FBLIM1: variants seen among roughly 807,000 people sequenced by gnomAD.
The protein encoded by FBLIM1 is filamin binding LIM protein 1, also known as filamin-binding LIM protein 1.
A neutral mutation model predicts 37.4 loss-of-function variants in FBLIM1; 29 were observed. That is an observed-to-expected ratio of 0.77 (90% CI 0.58 to 1.06). The LOEUF (loss-of-function observed/expected upper bound fraction) is 1.06, where lower values mean the gene tolerates loss of function less well. FBLIM1 is among the 50% of genes least tolerant of loss of function. The pLI is 0.00. For synonymous variants in FBLIM1, 193 were observed against 199.0 expected (o/e 0.97, Z 0.25); for missense variants, 449 against 505.6 (o/e 0.89, Z 1.07).
intron 7 of FBLIM1, chr1:15,775,067 A>G (rs1432194735): frequency 1.1e-5 from 7 of 631,394 alleles, no homozygotes; most frequent in Non-Finnish European, 1.8e-5. Flanking sequence ...AAATACAAAA[A>G]AAATTAGCCA....
intron 4 of FBLIM1, among the ~76,000 whole-genome samples, chr1:15,767,880 T>TTTTG (rs996228062): frequency 1.6e-4 from 24 of 151,846 alleles, no homozygotes; most frequent in East Asian, 1.9e-4. Context: ...AAACCTGGAT[T>TTTTG]TTTGTTTGTT....
Position 15,777,285 on chromosome 1 carries a change from G to A in FBLIM1, c.1006G>A (p.Glu336Lys), listed in dbSNP as rs1239450967. Reference sequence around the variant, plus strand: ...CTTCCATGAAAATTGCTACAGGTGTGAGGTGAGTGGAGCCTAGGTGGTTTA... The same window carrying A: ...CTTCCATGAAAATTGCTACAGGTGTAAGGTGAGTGGAGCCTAGGTGGTTTA... ...RNFHENCYRCEDCRILLSVEP... is the reference protein window; with the variant it reads ...RNFHENCYRCKDCRILLSVEP... The change falls in exon 8 of 9, where the codon GAG becomes AAG. Residue 336 changes from glutamate to lysine, a missense_variant and splice_region_variant. Glu to Lys is a moderately conservative substitution (Grantham distance 56, BLOSUM62 1). Transcript: ENST00000375766. 6.2e-7 allele frequency: 1 copy of A among 1,607,318 alleles called. No individual in the cohort carries two copies. Among genetic ancestry groups the A allele is most frequent in the Non-Finnish European group, 8.5e-7 (1 of 1,174,230 alleles).
chr1:15,780,942 C>G (rs779985647), intron 8 of FBLIM1, among the ~76,000 whole-genome samples: 21 of 152,120 alleles, frequency 1.4e-4, no homozygotes, highest in Non-Finnish European at 2.6e-4. Context: ...ATCATCCTCA[C>G]GAGTTCCAGC....
At chr1:15,773,938 T>G (rs1330766957) in intron 6 of FBLIM1, among the ~76,000 whole-genome samples, 15 of 151,676 alleles carry the variant, frequency 9.9e-5, no homozygotes, top group Admixed American at 9.9e-4. Context: ...AGGTCAGGAG[T>G]TCGAAACCAG....
intron 6 of FBLIM1, among the ~76,000 whole-genome samples, chr1:15,772,794 A>G (rs1418150389): frequency 6.6e-6 from 1 of 152,096 alleles, no homozygotes; most frequent in Non-Finnish European, 1.5e-5. Flanking sequence ...TCTCTATTTT[A>G]ATATAGCTAT....
chr1:15,763,161 A>G (rs1224042807), intron 1 of FBLIM1, among the ~76,000 whole-genome samples: 1 of 150,858 alleles, frequency 6.6e-6, no homozygotes, highest in East Asian at 2.0e-4. Flanking sequence ...CTCCACTCCC[A>G]CGGGTTCAAG....
Position 15,765,233 on chromosome 1 carries a change from G to C in FBLIM1, c.250G>C (p.Gly84Arg), listed in dbSNP as rs2068861069. 6.2e-7 allele frequency: 1 copy of C among 1,607,152 alleles called. No individual in the cohort carries two copies. Among genetic ancestry groups the C allele is most frequent in the African/African-American group, 1.3e-5 (1 of 74,744 alleles). Residue 84 changes from glycine (G) to arginine (R), a missense_variant and splice_region_variant, in exon 3 of 9, where the codon GGA becomes CGA. Transcript: ENST00000375766. This position sits in a 1 kb window ranked among gnomAD's most constrained non-coding sequence, Gnocchi z 5.9. ...TGCACCTATGCAGCTCTTCAATGGA[G>C]GTAAGAGCTGAGGGGACTTTGGGGA... ...PAAPMQLFNG[G>R]CPPPPPVLDG...
Position 15,766,965 on chromosome 1 carries a change from CT to C in FBLIM1, c.251-410del, listed in dbSNP as rs560682773. ...AGTGCAGTAATGTGATCTAAGCTCA[CT>C]GCAGCCTCAACCTCTTGGGCTTAAG... On this transcript the variant is annotated intron_variant, in intron 3 of 8. Transcript: ENST00000375766. Among the ~76,000 whole-genome samples, 23 of 150,414 alleles carry C rather than the reference CT, an allele frequency of 1.5e-4. No individual in the cohort carries two copies. In the South Asian group the frequency reaches 4.9e-3, roughly 32 times the overall value.
rs2068839064 is a variant in FBLIM1, at chr1:15,764,854, G to C, written c.-20-110G>C. On this transcript the variant is annotated intron_variant, in intron 2 of 8. Transcript: ENST00000375766. ...GGGTGCTGGACTGAGTTGTTGAGAT[G>C]GTAGGGTGGCTGGCCTGTCTTTTTG... The C allele has an allele frequency of 2.5e-5, 32 of 1,300,600 alleles. No individual in the cohort carries two copies. In the South Asian group the frequency reaches 4.5e-4, roughly 18 times the overall value. 80.6% of individuals were successfully genotyped at this position (1,300,600 alleles called of 1,614,324 possible).
intron 3 of FBLIM1, among the ~76,000 whole-genome samples, chr1:15,766,320 G>A (rs1270199043): frequency 3.3e-5 from 5 of 151,840 alleles, no homozygotes; most frequent in East Asian, 3.9e-4. Flanking sequence ...ATTTTGAGAC[G>A]AAGTCTCGCT....
chr1:15,783,929 C>T (rs1187948264), intron 8 of FBLIM1, among the ~76,000 whole-genome samples: 3 of 152,204 alleles, frequency 2.0e-5, no homozygotes, highest in Non-Finnish European at 4.4e-5. Flanking sequence ...CACTGGCTCA[C>T]ACCTGTAATC....
intron 8 of FBLIM1, among the ~76,000 whole-genome samples, chr1:15,781,635 C>T (rs1335491587): frequency 1.3e-5 from 2 of 151,646 alleles, no homozygotes; most frequent in African/African-American, 4.8e-5. Context: ...ACCCACATCT[C>T]ACCATTTCTA....
intron 6 of FBLIM1, among the ~76,000 whole-genome samples, chr1:15,771,625 C>T (rs1251187107): frequency 5.3e-5 from 8 of 152,024 alleles, no homozygotes; most frequent in South Asian, 2.1e-4. Context: ...CCCACTTCAG[C>T]GGCCCTATTG....
Position 15,786,047 on chromosome 1 carries a change from G to A in FBLIM1, c.*1386G>A. 1 of 152,576 alleles carries A rather than the reference G, an allele frequency of 6.6e-6. No homozygotes were observed. Among genetic ancestry groups the A allele is most frequent in the Non-Finnish European group, 1.5e-5 (1 of 68,240 alleles). The allele number at this position is 152,576 out of a possible 1,614,324, so 9.5% of individuals were successfully genotyped here. On this transcript the variant is annotated 3_prime_UTR_variant, in exon 9 of 9. Coordinates refer to ENST00000375766, the MANE Select transcript of FBLIM1 (RefSeq NM_017556.4). ...CACAAACAAGCACTTCTCCAGTATG[G>A]TGCCAGGACAGGTGTCCCTTCAGTC...
At chr1:15,777,039 T>C in intron 7 of FBLIM1, 131 bp from the exon 8 acceptor site, 2 of 680,684 alleles carry the variant, frequency 2.9e-6, no homozygotes, top group Non-Finnish European at 5.2e-6. Context: ...AACAGACATC[T>C]CTGCAGTCCC....
rs199559929 is a variant in FBLIM1 at position 15,774,957 on chromosome 1, G to A, written c.890+161G>A. The A allele has an allele frequency of 1.1e-5, 16 of 1,473,950 alleles. No individual in the cohort carries two copies. The highest frequency in any genetic ancestry group is 8.4e-5 in the African/African-American group (6 of 71,384). The allele number at this position is 1,473,950 out of a possible 1,614,324, so 91.3% of individuals were successfully genotyped here. The stretch of plus-strand genomic sequence containing the variant: ...GGCTGGGCTGGGCGCGGTGGCTCAC[G>A]CCTGTAATCCCAGCACTTTGGGAGG... On this transcript the variant is annotated intron_variant, in intron 7 of 8. Coordinates refer to ENST00000375766, the MANE Select transcript of FBLIM1 (RefSeq NM_017556.4).
chr1:15,766,833 T>C (rs1481342356), intron 3 of FBLIM1, among the ~76,000 whole-genome samples: 1 of 151,548 alleles, frequency 6.6e-6, no homozygotes, highest in Non-Finnish European at 1.5e-5. Flanking sequence ...CCTCAGGTGA[T>C]CTGCCTGCCT....
Position 15,766,784 on chromosome 1 carries a change from G to T in FBLIM1, c.251-592G>T, listed in dbSNP as rs563221691. Reference sequence around the variant, plus strand: ...AATTTTGTGTTTTTCGTAGAGATGGGGTTTCTCCATGTTGGTCAGGCTGGT... The same window carrying T: ...AATTTTGTGTTTTTCGTAGAGATGGTGTTTCTCCATGTTGGTCAGGCTGGT... On this transcript the variant is annotated intron_variant, in intron 3 of 8. Coordinates refer to ENST00000375766, the MANE Select transcript of FBLIM1 (RefSeq NM_017556.4). Among the ~76,000 whole-genome samples, 7 of 151,580 alleles carry T rather than the reference G, an allele frequency of 4.6e-5. No homozygotes were observed. In the East Asian group the frequency reaches 1.4e-3, roughly 29 times the overall value.
At chr1:15,757,432 A>G (rs905656904), upstream of FBLIM1, among the ~76,000 whole-genome samples, 1 of 152,142 alleles carries the variant, frequency 6.6e-6, no homozygotes, top group Non-Finnish European at 1.5e-5. This position sits in a 1 kb window ranked among gnomAD's most constrained non-coding sequence, Gnocchi z 4.1. Flanking sequence ...GAGGATGGGT[A>G]CCAGCACCTA....
Sources: gnomAD v4.1 joint callset for allele counts (sites outside exome capture counted in the v4.1 genomes callset) on GRCh38, gnomAD v4.1.1 for gene constraint, Gnocchi (gnomAD v3.1) non-coding constraint, MANE v1.5 for transcripts, NCBI Gene and HGNC (gene_info 2026-07-23, HGNC 2026-07-21) for gene names.